The following NEBL variants were observed in gnomAD, a reference collection of about 807,000 sequenced individuals.
The protein encoded by NEBL is nebulette.
Under a neutral mutation model 140.2 loss-of-function variants are expected in NEBL, and 122 were observed. The observed-to-expected ratio is 0.87, with a 90% CI of 0.75 to 1.01. NEBL has a LOEUF of 1.01. NEBL is among the 50% of genes least tolerant of loss of function. NEBL has a pLI of 0.00. For synonymous variants in NEBL, 436 were observed against 398.9 expected (o/e 1.09, Z -1.11); for missense variants, 1,365 against 1,231.3 (o/e 1.11, Z -1.62).
At chr10:20,802,998 C>G (rs887886551) in intron 26 of NEBL, among the ~76,000 whole-genome samples, 1 of 152,140 alleles carries the variant, frequency 6.6e-6, no homozygotes, top group African/African-American at 2.4e-5. Flanking sequence ...CGGACCAAGT[C>G]GTGAGAGCAC....
chr10:21,032,231 G>A (rs1347765890), intron 2 of NEBL, among the ~76,000 whole-genome samples: 1 of 152,176 alleles, frequency 6.6e-6, no homozygotes, highest in African/African-American at 2.4e-5. Context: ...TTAATAGGTA[G>A]AGACATTTTA....
At chr10:21,154,168 T>G (rs1413019724) in intron 2 of NEBL, among the ~76,000 whole-genome samples, 4 of 152,008 alleles carry the variant, frequency 2.6e-5, no homozygotes, top group Non-Finnish European at 5.9e-5. Flanking sequence ...TATTTAAAAG[T>G]GAGCCACTGG....
At chr10:20,832,302 C>G (rs757884585) in intron 14 of NEBL, among the ~76,000 whole-genome samples, 51 of 152,174 alleles carry the variant, frequency 3.4e-4, no homozygotes, top group Non-Finnish European at 6.5e-4. Flanking sequence ...AGCCTCTTTG[C>G]AAACAAGAAT....
intron 2 of NEBL, among the ~76,000 whole-genome samples, chr10:21,103,741 G>GT (rs35507662): frequency 0.52 from 78,454 of 151,912 alleles, 24,522 homozygotes; most frequent in African/African-American, 0.88. Context: ...TGGCTCCCTA[G>GT]TCATGACATG....
chr10:21,126,067 A>C, intron 2 of NEBL: 4 of 1,614,016 alleles, frequency 2.5e-6, no homozygotes, highest in Non-Finnish European at 3.4e-6. Context: ...GGTCTCCCCA[A>C]CCAGCTTCCT....
chr10:20,989,948 G>C (rs67902595), intron 3 of NEBL, among the ~76,000 whole-genome samples: 19,221 of 152,132 alleles, frequency 0.13, 1,868 homozygotes, highest in East Asian at 0.39. Context: ...GCTGAAATAT[G>C]AGCAGAACCT....
intron 3 of NEBL, among the ~76,000 whole-genome samples, chr10:21,196,696 T>C (rs982198161): frequency 6.6e-6 from 1 of 152,188 alleles, no homozygotes; most frequent in Non-Finnish European, 1.5e-5. Context: ...TCTTTATTTC[T>C]GAATCTCTCC....
Position 20,815,820 on chromosome 10 carries a change from G to A in NEBL, c.2149-103C>T. On this transcript the variant is annotated intron_variant, in intron 21 of 27. Transcript: ENST00000377122. The stretch of plus-strand genomic sequence containing the variant: ...GTCTTGCTCTGTCACCCAGGCTGAA[G>A]TGCAGTGGTACAATCTTTGCTCACC... The A allele has an allele frequency of 1.2e-4, 98 of 829,532 alleles. 1 individual carries two copies. Among genetic ancestry groups the A allele is most frequent in the South Asian group, 1.9e-4 (14 of 71,838 alleles). The allele number at this position is 829,532 out of a possible 1,614,324, so 51.4% of individuals were successfully genotyped here. A position where few individuals can be genotyped will look rare whatever the true frequency, so the allele number is the denominator to read the frequency against.
chr10:21,029,550 T>A lies in NEBL; in HGVS notation c.165-9349A>T, dbSNP rs752794334. ...ATACAGACAGGGACGATCGTTCTTT[T>A]GGCCGTGATAGAAATCGGGATTCTG... On this transcript the variant is annotated intron_variant, in intron 2 of 6. Coordinates refer to the NEBL transcript ENST00000417816. 5 of 1,605,668 alleles carry A rather than the reference T, an allele frequency of 3.1e-6. No individual in the cohort carries two copies. In the East Asian group the frequency reaches 1.1e-4, roughly 36 times the overall value.
In NEBL at chr10:21,223,915, A is replaced by T. The variant is rs537630840; in HGVS notation, n.348+24006T>A. The stretch of plus-strand genomic sequence containing the variant: ...CTTTTCCTATTGTTTTGAGCTCCTT[A>T]TATATTCTGGTTATTAATCCCTTGT... On this transcript the variant is annotated intron_variant and non_coding_transcript_variant, in intron 3 of 8. Transcript: ENST00000675702. 1.8e-4 allele frequency among the ~76,000 whole-genome samples: 27 copies of T among 152,124 alleles called. 1 individual carries two copies. The highest frequency in any genetic ancestry group is 1.4e-3 in the Admixed American group (22 of 15,280).
chr10:21,083,589 G>T (rs910358817), intron 2 of NEBL, among the ~76,000 whole-genome samples: 4 of 151,990 alleles, frequency 2.6e-5, no homozygotes, highest in Admixed American at 6.6e-5. Context: ...AGAGAATAAC[G>T]CCAGTGTGCA....
chr10:20,810,160 C>G (rs1461766071), intron 24 of NEBL, among the ~76,000 whole-genome samples: 2 of 152,120 alleles, frequency 1.3e-5, no homozygotes, highest in Non-Finnish European at 2.9e-5. Context: ...CCCTATCAGA[C>G]CTTGCTGAAG....
At chr10:21,234,008 G>GAGATAGAT (rs35919028) in intron 3 of NEBL, among the ~76,000 whole-genome samples, 14,145 of 139,384 alleles carry the variant, frequency 0.1, 847 homozygotes, top group East Asian at 0.18. Flanking sequence ...AGGAGATTGT[G>GAGATAGAT]AGATAGATAG....
chr10:21,042,375 A>G (rs1834312961), intron 2 of NEBL, among the ~76,000 whole-genome samples: 1 of 152,196 alleles, frequency 6.6e-6, no homozygotes, highest in Non-Finnish European at 1.5e-5. Context: ...ATGGGAGCTG[A>G]CTGTGCACTT....
At chr10:21,219,433 T>G (rs1460202586) in intron 3 of NEBL, among the ~76,000 whole-genome samples, 5 of 152,176 alleles carry the variant, frequency 3.3e-5, no homozygotes, top group African/African-American at 1.2e-4. Context: ...TTACCATTTT[T>G]TTCCTCAAAT....
intron 2 of NEBL, among the ~76,000 whole-genome samples, chr10:21,104,882 G>T (rs1253300070): frequency 6.6e-6 from 1 of 152,124 alleles, no homozygotes; most frequent in Admixed American, 6.5e-5. Flanking sequence ...CCCGATATCA[G>T]GATGAAGAAG....
chr10:20,864,221 A>G (rs1844030864), intron 7 of NEBL, among the ~76,000 whole-genome samples: 1 of 152,208 alleles, frequency 6.6e-6, no homozygotes, highest in Non-Finnish European at 1.5e-5. Context: ...AACTACTCTT[A>G]GAATTTTTAA....
At chr10:21,290,949 G>A (rs889614794) in intron 1 of NEBL, among the ~76,000 whole-genome samples, 1 of 152,082 alleles carries the variant, frequency 6.6e-6, no homozygotes, top group Non-Finnish European at 1.5e-5. Flanking sequence ...TCTATTGTCA[G>A]TTCATTTCAG....
intron 3 of NEBL, among the ~76,000 whole-genome samples, chr10:21,199,059 G>GCAAGACCC (rs1841694248): frequency 6.6e-6 from 1 of 151,124 alleles, no homozygotes; most frequent in African/African-American, 2.4e-5. Context: ...GGGTCTTGCT[G>GCAAGACCC]TGTTGTGCAG....
Sources: gnomAD v4.1 joint callset for allele counts (sites outside exome capture counted in the v4.1 genomes callset) on GRCh38, gnomAD v4.1.1 for gene constraint, MANE v1.5 for transcripts, NCBI Gene and HGNC (gene_info 2026-07-23, HGNC 2026-07-21) for gene names.